RBFOX1: variants seen among roughly 807,000 people sequenced by gnomAD.
RBFOX1 encodes RNA binding protein fox-1 homolog 1.
A neutral mutation model predicts 57.7 loss-of-function variants in RBFOX1; 8 were observed. That is an observed-to-expected ratio of 0.14 (90% CI 0.08 to 0.25). RBFOX1 has a LOEUF of 0.25. Ranked by LOEUF, RBFOX1 falls within the 10% of genes least tolerant of loss-of-function variation. The pLI, the probability that RBFOX1 is intolerant of heterozygous loss-of-function variation, is 1.00. For missense variants in RBFOX1, 611 were observed against 548.5 expected, an observed-to-expected ratio of 1.11 and a Z score of -1.14; for synonymous variants, 326 against 222.4, an observed-to-expected ratio of 1.47 and a Z score of -4.15.
intron 3 of RBFOX1, among the ~76,000 whole-genome samples, chr16:5,717,446 C>A (rs1317424249): frequency 1.3e-5 from 2 of 152,050 alleles, no homozygotes; most frequent in Non-Finnish European, 2.9e-5. Context: ...TTTTGGTGCA[C>A]CCATCACCCA....
At chr16:7,638,317 T>C (rs180901588) in intron 11 of RBFOX1, among the ~76,000 whole-genome samples, 4 of 152,302 alleles carry the variant, frequency 2.6e-5, no homozygotes. Context: ...AGGAGGAAAT[T>C]TAGGCTTGGG....
At chr16:5,762,693 G>GA (rs1278644747) in intron 3 of RBFOX1, among the ~76,000 whole-genome samples, 1 of 152,008 alleles carries the variant, frequency 6.6e-6, no homozygotes, top group Non-Finnish European at 1.5e-5. Context: ...CAATAACGGG[G>GA]AAAAAAATCA....
chr16:6,241,315 G>C (rs2152926556), intron 1 of RBFOX1, among the ~76,000 whole-genome samples: 1 of 152,326 alleles, frequency 6.6e-6, no homozygotes, highest in African/African-American at 2.4e-5. Flanking sequence ...AATTCTTGCT[G>C]TCCTCATGGG....
At chr16:6,513,574 A>T (rs143002713) in intron 2 of RBFOX1, among the ~76,000 whole-genome samples, 1 of 152,168 alleles carries the variant, frequency 6.6e-6, no homozygotes, top group Middle Eastern at 3.4e-3. Flanking sequence ...TCTCTACTAA[A>T]AATACAAAAA....
chr16:7,507,654 C>G (rs948440303), intron 4 of RBFOX1, among the ~76,000 whole-genome samples: 5 of 150,510 alleles, frequency 3.3e-5, no homozygotes, highest in African/African-American at 9.8e-5. Context: ...AGCTCCGCCT[C>G]CCGGGTTCAC....
intron 4 of RBFOX1, among the ~76,000 whole-genome samples, chr16:7,154,965 A>G (rs1601253124): frequency 6.6e-6 from 1 of 152,264 alleles, no homozygotes; most frequent in East Asian, 1.9e-4. Context: ...AAATAACTGT[A>G]TCCTCAGAAT....
intron 1 of RBFOX1, among the ~76,000 whole-genome samples, chr16:5,393,233 C>A (rs1426255863): frequency 6.6e-6 from 1 of 152,108 alleles, no homozygotes; most frequent in African/African-American, 2.4e-5. Flanking sequence ...TGTACCCCAG[C>A]ACTGGACACG....
chr16:5,777,456 A>G (rs571061224), intron 3 of RBFOX1, among the ~76,000 whole-genome samples: 1 of 152,234 alleles, frequency 6.6e-6, no homozygotes, highest in Non-Finnish European at 1.5e-5. Flanking sequence ...GACTCTAGGC[A>G]GTAGGACCGG....
intron 3 of RBFOX1, among the ~76,000 whole-genome samples, chr16:7,009,953 G>A (rs1464174944): frequency 1.3e-5 from 2 of 152,108 alleles, no homozygotes; most frequent in African/African-American, 4.8e-5. Context: ...AAGGAAAAAG[G>A]GTCCAAAGCT....
intron 2 of RBFOX1, among the ~76,000 whole-genome samples, chr16:6,545,769 C>T (rs1181181913): frequency 6.6e-6 from 1 of 152,170 alleles, no homozygotes; most frequent in Non-Finnish European, 1.5e-5. Flanking sequence ...CTGATGGCAT[C>T]TTTGTGAGGA....
At chr16:6,897,343 C>T (rs1242034635) in intron 3 of RBFOX1, among the ~76,000 whole-genome samples, 1 of 152,182 alleles carries the variant, frequency 6.6e-6, no homozygotes, top group African/African-American at 2.4e-5. Context: ...GCAGAGGTTG[C>T]AGTGAGCCGA....
At chr16:6,096,526 T>A (rs1165300486) in intron 1 of RBFOX1, among the ~76,000 whole-genome samples, 1 of 152,210 alleles carries the variant, frequency 6.6e-6, no homozygotes, top group East Asian at 1.9e-4. Context: ...AATTCCTGGC[T>A]GAAATAAGAG....
intron 2 of RBFOX1, among the ~76,000 whole-genome samples, chr16:6,488,887 C>A (rs750283844): frequency 3.9e-5 from 6 of 152,160 alleles, no homozygotes; most frequent in Non-Finnish European, 8.8e-5. Context: ...CAGTGATAGT[C>A]TAATATAAAC....
chr16:7,670,465 C>A (rs375049116), intron 13 of RBFOX1, among the ~76,000 whole-genome samples: 2 of 152,044 alleles, frequency 1.3e-5, no homozygotes, highest in African/African-American at 4.8e-5. Flanking sequence ...CAAGTCATTG[C>A]GCTAGTTGAG....
At chr16:5,666,732 G>T (rs1372864082) in intron 3 of RBFOX1, among the ~76,000 whole-genome samples, 1 of 152,180 alleles carries the variant, frequency 6.6e-6, no homozygotes, top group African/African-American at 2.4e-5. Context: ...TTTCTAGGTA[G>T]GGAATGGATC....
chr16:5,337,245 G>A (rs1017780192), intron 1 of RBFOX1, among the ~76,000 whole-genome samples: 1 of 152,224 alleles, frequency 6.6e-6, no homozygotes, highest in African/African-American at 2.4e-5. Flanking sequence ...CTTTTATCAT[G>A]CAGGGATGAT....
Position 6,140,239 on chromosome 16 carries a change from T to G in RBFOX1, c.-127+120247T>G, listed in dbSNP as rs367765250. Reference sequence around the variant, plus strand: ...GGAGTTTCATGCTTCTCACCCAGGCTGGAGTGCAGTGACTCAATCTTGGCT... The same window carrying G: ...GGAGTTTCATGCTTCTCACCCAGGCGGGAGTGCAGTGACTCAATCTTGGCT... On this transcript the variant is annotated intron_variant, in intron 1 of 15. Transcript: ENST00000550418. Among the ~76,000 whole-genome samples, 94 of 151,740 alleles carry G rather than the reference T, an allele frequency of 6.2e-4. 1 individual carries two copies. The highest frequency in any genetic ancestry group is 2.2e-3 in the African/African-American group (90 of 41,366).
At chr16:5,473,261 C>A (rs965730189) in intron 2 of RBFOX1, among the ~76,000 whole-genome samples, 8 of 152,040 alleles carry the variant, frequency 5.3e-5, no homozygotes, top group Non-Finnish European at 7.3e-5. Flanking sequence ...AGCTCCTGGG[C>A]ATGGCATATA....
intron 14 of RBFOX1, among the ~76,000 whole-genome samples, chr16:7,695,269 T>C (rs1382469297): frequency 6.6e-6 from 1 of 152,160 alleles, no homozygotes; most frequent in African/African-American, 2.4e-5. Flanking sequence ...CCATCAAATG[T>C]CAGATTATCT....
Sources: gnomAD v4.1 joint callset for allele counts (sites outside exome capture counted in the v4.1 genomes callset) on GRCh38, gnomAD v4.1.1 for gene constraint, MANE v1.5 for transcripts, NCBI Gene and HGNC (gene_info 2026-07-23, HGNC 2026-07-21) for gene names.